The following AOPEP variants were observed in gnomAD, a reference collection of about 807,000 sequenced individuals.
The protein encoded by AOPEP is aminopeptidase O (putative).
A neutral mutation model predicts 98.1 loss-of-function variants in AOPEP; 77 were observed. The observed-to-expected ratio is 0.78, with a 90% CI of 0.65 to 0.95. AOPEP has a LOEUF of 0.95. AOPEP is among the 40% of genes least tolerant of loss of function. AOPEP has a pLI of 0.00. For missense variants in AOPEP, 1,024 were observed against 1,024.7 expected (o/e 1.00, Z 0.01); for synonymous variants, 346 against 365.3 (o/e 0.95, Z 0.60).
intron 13 of AOPEP, among the ~76,000 whole-genome samples, chr9:95,029,013 A>C (rs7043705): frequency 0.83 from 126,822 of 152,202 alleles, 53,312 homozygotes; most frequent in Non-Finnish European, 0.89. Flanking sequence ...AGGAACGCAC[A>C]TGGGGCAGAG....
chr9:94,912,397 T>C (rs2052181414), intron 5 of AOPEP, among the ~76,000 whole-genome samples: 1 of 151,740 alleles, frequency 6.6e-6, no homozygotes, highest in South Asian at 2.1e-4. Flanking sequence ...CCGACCCCCA[T>C]GCTCAGAATG....
At chr9:94,811,874 C>T (rs898051370) in intron 5 of AOPEP, among the ~76,000 whole-genome samples, 2 of 152,172 alleles carry the variant, frequency 1.3e-5, no homozygotes, top group South Asian at 2.1e-4. Context: ...GAGTGTCTCC[C>T]GTACCCTCAA....
intron 11 of AOPEP, among the ~76,000 whole-genome samples, chr9:94,988,158 C>T (rs73540080): frequency 4.1e-4 from 62 of 152,256 alleles, no homozygotes; most frequent in African/African-American, 1.4e-3. Context: ...TCTAGATAAC[C>T]AATGGTGTCT....
chr9:94,733,589 C>A (rs974677336), intron 1 of AOPEP, among the ~76,000 whole-genome samples: 2 of 152,146 alleles, frequency 1.3e-5, no homozygotes, highest in Non-Finnish European at 2.9e-5. Flanking sequence ...TTTTCTTCAG[C>A]ATATATACCT....
chr9:94,760,628 G>T (rs867251931), intron 2 of AOPEP, 48 bp downstream of exon 2: 6 of 1,430,866 alleles, frequency 4.2e-6, no homozygotes, highest in Non-Finnish European at 5.7e-6. Flanking sequence ...AATCTTGTAC[G>T]CTGCGGGGAT....
chr9:94,993,827 C>T (rs2061050841), intron 11 of AOPEP, among the ~76,000 whole-genome samples: 4 of 152,122 alleles, frequency 2.6e-5, no homozygotes, highest in African/African-American at 9.7e-5. Context: ...CATGAACATG[C>T]ATGGAAGGGA....
At chr9:94,758,416 G>T (rs1397178330) in intron 1 of AOPEP, among the ~76,000 whole-genome samples, 2 of 152,218 alleles carry the variant, frequency 1.3e-5, no homozygotes, top group Non-Finnish European at 2.9e-5. Flanking sequence ...GAAATAGTCT[G>T]TGGAGAGAGG....
intron 5 of AOPEP, among the ~76,000 whole-genome samples, chr9:94,803,805 C>G (rs1212467944): frequency 2.0e-5 from 3 of 152,144 alleles, no homozygotes; most frequent in Non-Finnish European, 2.9e-5. Flanking sequence ...GACTTTAATT[C>G]TTTGCTGAGA....
chr9:95,126,053 A>G, the AOPEP span, among the ~76,000 whole-genome samples: 1 of 152,250 alleles, frequency 6.6e-6, no homozygotes, highest in Non-Finnish European at 1.5e-5. Flanking sequence ...TTTTCAAAAT[A>G]AAAATGTAAT....
At chr9:94,800,064 A>T (rs1284442061) in intron 4 of AOPEP, among the ~76,000 whole-genome samples, 1 of 152,158 alleles carries the variant, frequency 6.6e-6, no homozygotes, top group Non-Finnish European at 1.5e-5. Flanking sequence ...TGGTCGGATG[A>T]AGCAGGCTGG....
chr9:95,133,528 G>A, the AOPEP span, among the ~76,000 whole-genome samples: 10 of 152,180 alleles, frequency 6.6e-5, no homozygotes, highest in African/African-American at 1.9e-4. Context: ...GCAATGGGAC[G>A]GCCTGCGTTC....
In AOPEP at chr9:95,005,489, G is replaced by C. The variant is rs373187035; in HGVS notation, c.2041-53G>C. ...TCTCTGCTTTCTCGCGCTGGGGGATGGCCGTCAGGACCCTGTCGCCTTCTT... is the reference window on the plus strand; with the variant it reads ...TCTCTGCTTTCTCGCGCTGGGGGATCGCCGTCAGGACCCTGTCGCCTTCTT... On this transcript the variant is annotated intron_variant, in intron 12 of 16. Coordinates refer to ENST00000375315, the MANE Select transcript of AOPEP (RefSeq NM_001193329.3). 4.8e-4 allele frequency: 721 copies of C among 1,507,986 alleles called. 1 individual carries two copies. The highest frequency in any genetic ancestry group is 6.2e-4 in the Non-Finnish European group (675 of 1,084,170). The allele number at this position is 1,507,986 out of a possible 1,614,324, so 93.4% of individuals were successfully genotyped here.
intron 10 of AOPEP, among the ~76,000 whole-genome samples, chr9:94,978,530 C>A (rs1006187931): frequency 6.6e-6 from 1 of 152,014 alleles, no homozygotes; most frequent in African/African-American, 2.4e-5. Flanking sequence ...GAGAACAGGG[C>A]GTGTGACAGA....
At chr9:94,733,519 A>T (rs1831050042) in intron 1 of AOPEP, among the ~76,000 whole-genome samples, 1 of 152,210 alleles carries the variant, frequency 6.6e-6, no homozygotes, top group African/African-American at 2.4e-5. Flanking sequence ...CACTTTAAAC[A>T]TACCCTTAGG....
intron 1 of AOPEP, among the ~76,000 whole-genome samples, chr9:94,740,761 C>A (rs1035012244): frequency 6.6e-6 from 1 of 152,206 alleles, no homozygotes; most frequent in East Asian, 1.9e-4. Flanking sequence ...CTGCTGGGTC[C>A]ATATCCGGCT....
chr9:94,844,989 A>G (rs1313395363), intron 5 of AOPEP, among the ~76,000 whole-genome samples: 1 of 152,258 alleles, frequency 6.6e-6, no homozygotes, highest in Non-Finnish European at 1.5e-5. Flanking sequence ...ATTAACAAAT[A>G]TTTATGGAAC....
At chr9:95,033,933 A>G (rs1020146945) in intron 13 of AOPEP, among the ~76,000 whole-genome samples, 1 of 152,210 alleles carries the variant, frequency 6.6e-6, no homozygotes, top group African/African-American at 2.4e-5. Flanking sequence ...TTTATATCAA[A>G]TTATATTATT....
chr9:94,989,191 TC>T (rs759477387), intron 11 of AOPEP, among the ~76,000 whole-genome samples: 42 of 152,174 alleles, frequency 2.8e-4, no homozygotes, highest in Middle Eastern at 3.4e-3. Context: ...AAGCTCTGCC[TC>T]CCGGGTTCAT....
chr9:95,135,185 CT>C, the AOPEP span, among the ~76,000 whole-genome samples: 2 of 152,132 alleles, frequency 1.3e-5, no homozygotes, highest in African/African-American at 4.8e-5. Flanking sequence ...GAAAAGCCCC[CT>C]ATGTTAGTGA....
Sources: allele counts gnomAD v4.1 joint callset (sites outside exome capture counted in the v4.1 genomes callset), GRCh38; gene constraint gnomAD v4.1.1; transcripts MANE v1.5; gene names NCBI Gene and HGNC (gene_info 2026-07-23, HGNC 2026-07-21).